PMP22: variants seen among roughly 807,000 people sequenced by gnomAD.
PMP22 encodes the protein peripheral myelin protein 22.
A neutral mutation model predicts 18.9 loss-of-function variants in PMP22; 2 were observed. The ratio of observed to expected loss-of-function variants is 0.11; its 90% CI spans 0.04 to 0.33. The LOEUF is 0.33. Ranked by LOEUF, PMP22 falls within the 10% of genes least tolerant of loss-of-function variation. PMP22 has a pLI of 1.00. For missense variants in PMP22, 169 were observed against 202.2 expected (o/e 0.84, Z 1.00); for synonymous variants, 95 against 89.2 (o/e 1.07, Z -0.37).
chr17:15,238,726 T>C (rs948115032), intron 4 of PMP22, among the ~76,000 whole-genome samples: 9 of 152,206 alleles, frequency 5.9e-5, no homozygotes, highest in African/African-American at 2.2e-4. Flanking sequence ...GAGACAAAGT[T>C]GGAAGATGTC....
intron 3 of PMP22, among the ~76,000 whole-genome samples, chr17:15,248,970 C>T (rs150538553): frequency 2.0e-5 from 3 of 152,256 alleles, no homozygotes; most frequent in Non-Finnish European, 4.4e-5. Flanking sequence ...GGGAATAATT[C>T]GCTTAGTTTT....
chr17:15,244,333 T>A (rs533074421), intron 3 of PMP22, among the ~76,000 whole-genome samples: 31 of 152,162 alleles, frequency 2.0e-4, no homozygotes, highest in Middle Eastern at 3.4e-3. Context: ...AATAATAATA[T>A]TATTATTATA....
intron 3 of PMP22, among the ~76,000 whole-genome samples, chr17:15,248,965 T>A (rs1221876376): frequency 6.6e-6 from 1 of 152,206 alleles, no homozygotes; most frequent in Non-Finnish European, 1.5e-5. Context: ...GAACAGGGAA[T>A]AATTCGCTTA....
At chr17:15,262,568 G>A (rs904378893) in intron 1 of PMP22, 2 of 152,244 alleles carry the variant, frequency 1.3e-5, no homozygotes, top group Non-Finnish European at 2.9e-5. Context: ...GAGGCTCCTG[G>A]CGTTCCCCTT....
chr17:15,243,123 G>GA (rs1304055497), intron 3 of PMP22, among the ~76,000 whole-genome samples: 1 of 151,190 alleles, frequency 6.6e-6, no homozygotes, highest in African/African-American at 2.4e-5. Context: ...CAAGAAGCCA[G>GA]AAAAAAAACA....
chr17:15,250,496 A>T (rs1197688817), intron 3 of PMP22, among the ~76,000 whole-genome samples: 2 of 152,174 alleles, frequency 1.3e-5, no homozygotes, highest in African/African-American at 4.8e-5. Context: ...TCTAAATTGA[A>T]GTGATTTGCT....
chr17:15,255,706 C>T (rs1908760987), intron 3 of PMP22, among the ~76,000 whole-genome samples: 1 of 152,192 alleles, frequency 6.6e-6, no homozygotes, highest in African/African-American at 2.4e-5. Flanking sequence ...TTGTTCTACC[C>T]TTACCTTAGG....
At position 15,230,818 on chromosome 17, in the gene PMP22, G is replaced by T; in HGVS notation, c.*99C>A. On this transcript the variant is annotated 3_prime_UTR_variant, in exon 5 of 5. Transcript: ENST00000312280. ...TTTCTGTTTGGTTTGGTTTGAGTTTGGGATTTTGGGCTAGCTCTTTTTTCT... is the reference window on the plus strand; with the variant it reads ...TTTCTGTTTGGTTTGGTTTGAGTTTTGGATTTTGGGCTAGCTCTTTTTTCT... 1 of 1,339,366 alleles carries T rather than the reference G, an allele frequency of 7.5e-7. No individual in the cohort carries two copies. The highest frequency in any genetic ancestry group is 1.1e-6 in the Non-Finnish European group (1 of 939,404). 83.0% of individuals were successfully genotyped at this position (1,339,366 alleles called of 1,614,324 possible). A position where few individuals can be genotyped will look rare whatever the true frequency, so the allele number is the denominator to read the frequency against.
intron 4 of PMP22, among the ~76,000 whole-genome samples, chr17:15,232,857 G>C (rs1234410815): frequency 2.0e-5 from 3 of 152,148 alleles, no homozygotes; most frequent in Non-Finnish European, 4.4e-5. Context: ...GAAGTGCAGC[G>C]ACTAACTACA....
intron 3 of PMP22, among the ~76,000 whole-genome samples, chr17:15,257,548 C>T (rs79141883): frequency 0.024 from 3,694 of 152,318 alleles, 145 homozygotes; most frequent in African/African-American, 0.082. Flanking sequence ...AGTACGGAGA[C>T]TCCCATCCGG....
At chr17:15,242,739 T>C (rs1004725196) in intron 3 of PMP22, among the ~76,000 whole-genome samples, 1 of 152,196 alleles carries the variant, frequency 6.6e-6, no homozygotes, top group African/African-American at 2.4e-5. Flanking sequence ...AAAACTTGTG[T>C]CTATATAGCA....
chr17:15,235,320 A>C (rs918814143), intron 4 of PMP22: 6 of 717,292 alleles, frequency 8.4e-6, no homozygotes, highest in Non-Finnish European at 1.6e-5. Flanking sequence ...TCATCCAACC[A>C]ATAATAGTTT....
At chr17:15,264,243 T>TAGAC (rs1909562404) in intron 1 of PMP22, among the ~76,000 whole-genome samples, 1 of 96,082 alleles carries the variant, frequency 1.0e-5, no homozygotes, top group African/African-American at 5.4e-5. Flanking sequence ...GATAGATAGA[T>TAGAC]AGATAGATAG....
intron 3 of PMP22, among the ~76,000 whole-genome samples, chr17:15,255,332 TGTA>T (rs1908731548): frequency 6.6e-6 from 1 of 152,112 alleles, no homozygotes; most frequent in Non-Finnish European, 1.5e-5. Flanking sequence ...TGTAAATAGG[TGTA>T]GGTGTGACCA....
chr17:15,237,748 AT>A (rs1906934810), intron 4 of PMP22, among the ~76,000 whole-genome samples: 2 of 152,228 alleles, frequency 1.3e-5, no homozygotes. Flanking sequence ...CATCAGTAAA[AT>A]AACGAGCCTG....
chr17:15,260,744 G>A lies in PMP22; in HGVS notation c.-17C>T. The A allele has an allele frequency of 1.3e-6, 2 of 1,549,822 alleles. No homozygotes were observed. Among genetic ancestry groups the A allele is most frequent in the Non-Finnish European group, 1.7e-6 (2 of 1,145,244 alleles). ...GAGGAGCATTCTGGCGGCAAGTTCT[G>A]CTCAGCGGAGTTTCTGCCTGCGAGG... On this transcript the variant is annotated 5_prime_UTR_variant, in exon 2 of 5. Coordinates refer to ENST00000312280, the MANE Select transcript of PMP22 (RefSeq NM_000304.4).
chr17:15,239,523 G>A lies in PMP22; in HGVS notation c.267C>T (p.Thr89=), dbSNP rs2150676668. ...TGTAAAACCTGCCCCCCTTGGTGAGGGTGAAGAGTTGGCAGAAGAACAGGA... is the reference window on the plus strand; with the variant it reads ...TGTAAAACCTGCCCCCCTTGGTGAGAGTGAAGAGTTGGCAGAAGAACAGGA... ...SLFLFFCQLF[T]LTKGGRFYIT... is the part of the protein sequence containing the mutation. Residue 89 remains threonine (T), a synonymous_variant, in exon 4 of 5, where the codon ACC becomes ACT. Transcript: ENST00000312280. The A allele has an allele frequency of 6.2e-7, 1 of 1,614,078 alleles. No individual in the cohort carries two copies. The highest frequency in any genetic ancestry group is 8.5e-7 in the Non-Finnish European group (1 of 1,179,934).
At position 15,258,964 on chromosome 17, in the gene PMP22, T is replaced by G. The variant is rs1909064623; in HGVS notation, c.178+130A>C. 1 of 734,604 alleles carries G rather than the reference T, an allele frequency of 1.4e-6. No homozygotes were observed. The highest frequency in any genetic ancestry group is 2.0e-5 in the Admixed American group (1 of 49,856). The allele number at this position is 734,604 out of a possible 1,614,324, so 45.5% of individuals were successfully genotyped here. On this transcript the variant is annotated intron_variant, in intron 3 of 4. Coordinates refer to ENST00000312280, the MANE Select transcript of PMP22 (RefSeq NM_000304.4). This position sits in a 1 kb window ranked among gnomAD's most constrained non-coding sequence, Gnocchi z 4.1. The stretch of plus-strand genomic sequence containing the variant: ...CATTTTCCCTGGACTCATGGCTCCC[T>G]GTCACATCCCACCCCACCCCAGCAA...
intron 3 of PMP22, among the ~76,000 whole-genome samples, chr17:15,244,864 A>G (rs1459287655): frequency 6.6e-6 from 1 of 152,218 alleles, no homozygotes. Flanking sequence ...AGTTGAGGAT[A>G]TTTTCATGTA....
Sources: gnomAD v4.1 joint callset for allele counts (sites outside exome capture counted in the v4.1 genomes callset) on GRCh38, gnomAD v4.1.1 for gene constraint, Gnocchi (gnomAD v3.1) non-coding constraint, MANE v1.5 for transcripts, NCBI Gene and HGNC (gene_info 2026-07-23, HGNC 2026-07-21) for gene names.